The following AUTS2 variants were observed in gnomAD, a reference collection of about 807,000 sequenced individuals.
The protein encoded by AUTS2 is autism susceptibility gene 2 protein.
Under a neutral mutation model 112.4 loss-of-function variants are expected in AUTS2, and 17 were observed. The observed-to-expected ratio is 0.15, with a 90% confidence interval of 0.10 to 0.23. The LOEUF (loss-of-function observed/expected upper bound fraction) is 0.23. Ranked by LOEUF, AUTS2 falls within the 10% of genes least tolerant of loss-of-function variation. The pLI, the probability that AUTS2 is intolerant of heterozygous loss-of-function variation, is 1.00. For synonymous variants in AUTS2, 751 were observed against 702.7 expected, an observed-to-expected ratio of 1.07 and a Z score of -1.09; for missense variants, 1,510 against 1,701.6, an observed-to-expected ratio of 0.89 and a Z score of 1.98.
intron 4 of AUTS2, among the ~76,000 whole-genome samples, chr7:70,195,380 C>T (rs1810119183): frequency 6.6e-6 from 1 of 152,158 alleles, no homozygotes; most frequent in African/African-American, 2.4e-5. Context: ...GGCACGGTGG[C>T]TCACGCCTGT....
chr7:70,002,531 T>G (rs569794905), intron 2 of AUTS2, among the ~76,000 whole-genome samples: 5 of 152,238 alleles, frequency 3.3e-5, no homozygotes, highest in Admixed American at 3.3e-4. Flanking sequence ...AGGACACATA[T>G]AGATTTTAAC....
At chr7:69,810,629 TAGG>T (rs1403005831) in intron 1 of AUTS2, among the ~76,000 whole-genome samples, 6 of 152,092 alleles carry the variant, frequency 3.9e-5, no homozygotes, top group African/African-American at 4.8e-5. Context: ...AGAAAGTTGA[TAGG>T]AGGAGCATAG....
chr7:70,645,958 C>A (rs1324684191), intron 5 of AUTS2, among the ~76,000 whole-genome samples: 1 of 151,968 alleles, frequency 6.6e-6, no homozygotes, highest in African/African-American at 2.4e-5. Flanking sequence ...TTTCTTTGGC[C>A]GTTAACAGAG....
rs77569028 is a variant in AUTS2 at position 69,770,839 on chromosome 7, A to G, written c.310-128447A>G. The stretch of plus-strand genomic sequence containing the variant: ...CAGCTGCACTTAGGAGGACTTAATG[A>G]CATCATTTAACGTTAAGGATAAATA... On this transcript the variant is annotated intron_variant, in intron 1 of 18. Transcript: ENST00000342771. Among the ~76,000 whole-genome samples, 645 of 152,138 alleles carry G rather than the reference A, an allele frequency of 4.2e-3. 7 individuals carry two copies. Among genetic ancestry groups the G allele is most frequent in the African/African-American group, 0.014 (601 of 41,492 alleles).
chr7:69,974,466 A>G (rs1192998915), intron 2 of AUTS2, among the ~76,000 whole-genome samples: 1 of 151,984 alleles, frequency 6.6e-6, no homozygotes, highest in Non-Finnish European at 1.5e-5. Context: ...GCAAGCTAGA[A>G]AACCAGGAAA....
intron 2 of AUTS2, among the ~76,000 whole-genome samples, chr7:69,989,731 C>T (rs1241001844): frequency 6.6e-6 from 1 of 152,072 alleles, no homozygotes; most frequent in East Asian, 1.9e-4. Context: ...GAACAGGGAC[C>T]CCCCGCCCCG....
intron 3 of AUTS2, among the ~76,000 whole-genome samples, chr7:70,131,987 A>G (rs531416435): frequency 6.6e-5 from 10 of 152,034 alleles, no homozygotes; most frequent in Admixed American, 3.9e-4. Flanking sequence ...AAAATTCTCC[A>G]GCTATGACTG....
intron 5 of AUTS2, among the ~76,000 whole-genome samples, chr7:70,447,758 T>C (rs890888241): frequency 3.3e-5 from 5 of 152,236 alleles, no homozygotes; most frequent in East Asian, 1.9e-4. Flanking sequence ...CACTTTCTGT[T>C]GTAACTCTAA....
intron 4 of AUTS2, among the ~76,000 whole-genome samples, chr7:70,289,148 T>C (rs181036602): frequency 5.0e-4 from 76 of 152,324 alleles, no homozygotes; most frequent in African/African-American, 1.8e-3. Context: ...TCCAAACATC[T>C]TCCTACAAAC....
chr7:70,108,230 T>C (rs190273771), intron 2 of AUTS2, among the ~76,000 whole-genome samples: 32 of 152,268 alleles, frequency 2.1e-4, no homozygotes, highest in African/African-American at 7.7e-4. Flanking sequence ...GCAAGTTGGA[T>C]AGAGATTTGC....
At chr7:70,110,859 C>CTT (rs71077618) in intron 2 of AUTS2, among the ~76,000 whole-genome samples, 1,179 of 82,664 alleles carry the variant, frequency 0.014, 11 homozygotes, top group Middle Eastern at 0.02. Context: ...TTCTTTCTTT[C>CTT]TTTTTTTTTT....
intron 5 of AUTS2, among the ~76,000 whole-genome samples, chr7:70,562,691 G>C (rs1384121379): frequency 2.0e-5 from 3 of 152,152 alleles, no homozygotes; most frequent in Non-Finnish European, 4.4e-5. Context: ...GAACTTAATA[G>C]AGGTAGAGGC....
chr7:70,356,008 T>G (rs563784726), intron 4 of AUTS2, among the ~76,000 whole-genome samples: 23 of 152,312 alleles, frequency 1.5e-4, no homozygotes, highest in African/African-American at 5.5e-4. Flanking sequence ...CAACTGTACC[T>G]TTAGGGCTGA....
At chr7:69,827,944 G>A (rs1421276835) in intron 1 of AUTS2, among the ~76,000 whole-genome samples, 1 of 152,198 alleles carries the variant, frequency 6.6e-6, no homozygotes. Context: ...GTGCTCTGCA[G>A]TAATTCTTTT....
intron 2 of AUTS2, among the ~76,000 whole-genome samples, chr7:69,943,240 G>A (rs1465336365): frequency 6.6e-6 from 1 of 152,170 alleles, no homozygotes; most frequent in Non-Finnish European, 1.5e-5. Flanking sequence ...CAAGCACCTT[G>A]TAAGAATTAA....
intron 2 of AUTS2, among the ~76,000 whole-genome samples, chr7:69,958,693 T>C (rs903596538): frequency 1.4e-4 from 21 of 152,244 alleles, no homozygotes; most frequent in African/African-American, 4.8e-4. Flanking sequence ...TCTCAGACGT[T>C]TTTCTGCACC....
At chr7:70,331,146 T>A (rs1486979956) in intron 4 of AUTS2, among the ~76,000 whole-genome samples, 1 of 152,142 alleles carries the variant, frequency 6.6e-6, no homozygotes, top group Non-Finnish European at 1.5e-5. Flanking sequence ...TTTGTACCTC[T>A]GGTAGAATTC....
chr7:69,879,448 C>T (rs1457806244), intron 1 of AUTS2, among the ~76,000 whole-genome samples: 2 of 151,998 alleles, frequency 1.3e-5, no homozygotes, highest in African/African-American at 4.8e-5. Context: ...CTGTGCCCAG[C>T]CTGAGATTTT....
intron 1 of AUTS2, among the ~76,000 whole-genome samples, chr7:69,762,739 G>A (rs916815800): frequency 2.0e-5 from 3 of 151,896 alleles, no homozygotes; most frequent in Middle Eastern, 3.4e-3. Context: ...TTCATATTTC[G>A]ACTACATGGT....
Sources: allele counts gnomAD v4.1 joint callset (sites outside exome capture counted in the v4.1 genomes callset), GRCh38; gene constraint gnomAD v4.1.1; transcripts MANE v1.5; gene names NCBI Gene and HGNC (gene_info 2026-07-23, HGNC 2026-07-21).